Variants in PPP2R2B observed in about 807,000 individuals in gnomAD.
PPP2R2B encodes the protein serine/threonine-protein phosphatase 2A 55 kDa regulatory subunit B beta isoform.
PPP2R2B carries 5 observed loss-of-function variants against 46.0 expected under a neutral mutation model. The ratio of observed to expected loss-of-function variants is 0.11; its 90% CI spans 0.06 to 0.23. PPP2R2B has a LOEUF of 0.23. PPP2R2B is among the 10% of genes least tolerant of loss of function. The pLI, the probability that PPP2R2B is intolerant of heterozygous loss-of-function variation, is 1.00. For missense variants in PPP2R2B, 367 were observed against 575.0 expected (o/e 0.64, Z 3.70); for synonymous variants, 215 against 206.7 (o/e 1.04, Z -0.34).
In PPP2R2B at chr5:146,589,357, C is replaced by G. The variant is rs1292641278; in HGVS notation, c.*590G>C. The G allele has an allele frequency of 6.5e-6, 1 of 153,040 alleles. No individual in the cohort carries two copies. The highest frequency in any genetic ancestry group is 2.4e-5 in the African/African-American group (1 of 41,416). 9.5% of individuals were successfully genotyped at this position (153,040 alleles called of 1,614,324 possible). ...CATAGCAGGGTTGATGTGCCCTTTC[C>G]TTGTCATTCTGCATCCTCTTCTCAG... On this transcript the variant is annotated 3_prime_UTR_variant, in exon 10 of 10. Coordinates refer to ENST00000394411, the MANE Select transcript of PPP2R2B (RefSeq NM_181675.4).
chr5:147,037,627 A>G (rs1756105166), intron 1 of PPP2R2B, among the ~76,000 whole-genome samples: 1 of 152,228 alleles, frequency 6.6e-6, no homozygotes. Context: ...ATCATGGGAT[A>G]TGTATCTACG....
chr5:146,987,572 T>A (rs140507975), intron 1 of PPP2R2B, among the ~76,000 whole-genome samples: 1,940 of 151,946 alleles, frequency 0.013, 19 homozygotes, highest in Non-Finnish European at 0.019. Flanking sequence ...AAATAGCTTA[T>A]TATAGCTATA....
chr5:147,058,442 T>C (rs949126823), upstream of PPP2R2B, among the ~76,000 whole-genome samples: 1 of 152,094 alleles, frequency 6.6e-6, no homozygotes, highest in Non-Finnish European at 1.5e-5. Flanking sequence ...GTGAAAAAAA[T>C]ACTCACTGAG....
intron 1 of PPP2R2B, among the ~76,000 whole-genome samples, chr5:147,001,792 C>T (rs997723255): frequency 8.5e-5 from 13 of 152,122 alleles, no homozygotes; most frequent in African/African-American, 1.2e-4. Flanking sequence ...ACTAAAGACG[C>T]GGGTGCCAGG....
At chr5:146,808,341 C>T (rs1280316950) in intron 2 of PPP2R2B, among the ~76,000 whole-genome samples, 1 of 152,204 alleles carries the variant, frequency 6.6e-6, no homozygotes, top group African/African-American at 2.4e-5. Flanking sequence ...TAGAATATTT[C>T]CATCGTCAGA....
intron 6 of PPP2R2B, among the ~76,000 whole-genome samples, chr5:146,650,131 G>A (rs2151093447): frequency 6.6e-6 from 1 of 152,212 alleles, no homozygotes; most frequent in African/African-American, 2.4e-5. Flanking sequence ...ATAAATGTCA[G>A]TCACTATTAT....
chr5:146,660,683 C>T (rs577908963), intron 5 of PPP2R2B, among the ~76,000 whole-genome samples: 1 of 152,158 alleles, frequency 6.6e-6, no homozygotes, highest in African/African-American at 2.4e-5. Context: ...CTCAATATGT[C>T]CCTAATTTCT....
At chr5:146,836,926 G>A (rs1759320228) in intron 2 of PPP2R2B, among the ~76,000 whole-genome samples, 1 of 152,188 alleles carries the variant, frequency 6.6e-6, no homozygotes, top group Non-Finnish European at 1.5e-5. Context: ...AACAGCTCCT[G>A]TCCATCCATT....
intron 7 of PPP2R2B, among the ~76,000 whole-genome samples, chr5:146,616,028 A>C (rs1204133877): frequency 6.6e-6 from 1 of 152,240 alleles, no homozygotes; most frequent in African/African-American, 2.4e-5. Context: ...TGGTACTGGC[A>C]TAAAAACAGA....
At chr5:146,645,315 T>C (rs1220202361) in intron 6 of PPP2R2B, among the ~76,000 whole-genome samples, 1 of 152,244 alleles carries the variant, frequency 6.6e-6, no homozygotes, top group Non-Finnish European at 1.5e-5. Context: ...GATGAGACAC[T>C]GGAAATCTCC....
rs138503030 is a variant in PPP2R2B at position 146,872,146 on chromosome 5, A to G, written c.70+5856T>C. 1.9e-4 allele frequency among the ~76,000 whole-genome samples: 29 copies of G among 152,272 alleles called. 1 individual carries two copies. In the East Asian group the frequency reaches 5.6e-3, roughly 29 times the overall value. On this transcript the variant is annotated intron_variant, in intron 2 of 9. Transcript: ENST00000394411. ...CTGGCCTAATATTATTCACCCCAGG[A>G]TCATTGGTACATTTCTGACCAGCAC... is the stretch of plus-strand genomic sequence containing the variant.
intron 2 of PPP2R2B, among the ~76,000 whole-genome samples, chr5:146,804,144 G>A (rs1298376652): frequency 1.3e-5 from 2 of 151,520 alleles, no homozygotes; most frequent in Non-Finnish European, 2.9e-5. Flanking sequence ...TCCAGCCTGG[G>A]TGACAGAGGG....
chr5:146,989,536 T>A (rs1753591005), intron 1 of PPP2R2B, among the ~76,000 whole-genome samples: 1 of 151,986 alleles, frequency 6.6e-6, no homozygotes. Flanking sequence ...AAGCCTTCAA[T>A]AAAATTCAAC....
At chr5:146,949,991 G>A (rs1438068583) in intron 1 of PPP2R2B, among the ~76,000 whole-genome samples, 2 of 152,012 alleles carry the variant, frequency 1.3e-5, no homozygotes, top group Non-Finnish European at 2.9e-5. Flanking sequence ...GGGGATAGGA[G>A]TGGGGATTAA....
intron 8 of PPP2R2B, among the ~76,000 whole-genome samples, chr5:146,595,405 A>C (rs1771079343): frequency 6.6e-6 from 1 of 152,172 alleles, no homozygotes; most frequent in South Asian, 2.1e-4. Context: ...CACCTTCGGC[A>C]TTTTGTCTTA....
chr5:146,599,288 A>T (rs1346158860), intron 8 of PPP2R2B, among the ~76,000 whole-genome samples: 2 of 152,130 alleles, frequency 1.3e-5, no homozygotes, highest in African/African-American at 2.4e-5. Context: ...CTCCCTGCAC[A>T]TTTGATCAGT....
At chr5:146,923,432 T>C (rs576570105) in intron 1 of PPP2R2B, among the ~76,000 whole-genome samples, 1 of 152,286 alleles carries the variant, frequency 6.6e-6, no homozygotes, top group Admixed American at 6.5e-5. Flanking sequence ...TCGAGTTGAT[T>C]CTCCCTATGG....
intron 1 of PPP2R2B, among the ~76,000 whole-genome samples, chr5:146,894,363 A>C (rs1762580794): frequency 6.6e-6 from 1 of 152,150 alleles, no homozygotes; most frequent in Non-Finnish European, 1.5e-5. Flanking sequence ...TTAGGATCTC[A>C]TAGTCTACAC....
intron 5 of PPP2R2B, among the ~76,000 whole-genome samples, chr5:146,659,398 G>A (rs1040673928): frequency 7.9e-5 from 12 of 152,130 alleles, no homozygotes; most frequent in African/African-American, 2.9e-4. Context: ...GTATAAGAGG[G>A]TTTTTAGAGT....
Sources: allele counts gnomAD v4.1 joint callset (sites outside exome capture counted in the v4.1 genomes callset), GRCh38; gene constraint gnomAD v4.1.1; transcripts MANE v1.5; gene names NCBI Gene and HGNC (gene_info 2026-07-23, HGNC 2026-07-21).